MCPH1: variants seen among roughly 807,000 people sequenced by gnomAD.
The protein encoded by MCPH1 is microcephalin.
In MCPH1, 104 loss-of-function variants were observed where a neutral mutation model predicts 84.5. The ratio of observed to expected loss-of-function variants is 1.23; its 90% CI spans 1.05 to 1.45. The LOEUF (loss-of-function observed/expected upper bound fraction) is 1.45. MCPH1 is among the 40% of genes most tolerant of loss of function. MCPH1 has a pLI of 0.00. For synonymous variants in MCPH1, 514 were observed against 366.8 expected (o/e 1.40, Z -4.58); for missense variants, 1,498 against 1,005.7 (o/e 1.49, Z -6.62).
At position 6,495,902 on chromosome 8, in the gene MCPH1, T is replaced by A. The variant is rs184009823; in HGVS notation, c.2137-3950T>A. On this transcript the variant is annotated intron_variant, in intron 11 of 13. Transcript: ENST00000344683. ...GGGACAAGTTTCTAACTATCAGATT[T>A]GATTTTTAATTAATCAGTGATATTT... Among the ~76,000 whole-genome samples the A allele has an allele frequency of 1.8e-3, 278 of 152,348 alleles. 1 individual carries two copies. Among genetic ancestry groups the A allele is most frequent in the Non-Finnish European group, 3.1e-3 (211 of 68,030 alleles).
chr8:6,470,521 G>A (rs180973106), intron 9 of MCPH1, among the ~76,000 whole-genome samples: 2 of 152,310 alleles, frequency 1.3e-5, no homozygotes, highest in East Asian at 3.9e-4. Context: ...CTGACCTCAA[G>A]TGATTCGCCC....
At chr8:6,508,823 A>T (rs1476323126) in intron 12 of MCPH1, 1 of 1,477,660 alleles carries the variant, frequency 6.8e-7, no homozygotes, top group South Asian at 1.1e-5. Flanking sequence ...CTACGTATGA[A>T]ATTGTGGACA....
chr8:6,422,813 C>T (rs1158905572), intron 3 of MCPH1, among the ~76,000 whole-genome samples: 3 of 151,912 alleles, frequency 2.0e-5, no homozygotes, highest in Middle Eastern at 3.2e-3. Context: ...CTCAGCCTCC[C>T]GAGTAGCTGG....
At chr8:6,411,441 G>A (rs531793173) in intron 2 of MCPH1, among the ~76,000 whole-genome samples, 1 of 152,204 alleles carries the variant, frequency 6.6e-6, no homozygotes, top group Non-Finnish European at 1.5e-5. Context: ...GCCGTAAAGT[G>A]CAAGAGTGAT....
Position 6,431,517 on chromosome 8 carries a change from A to G in MCPH1, c.252A>G (p.Ala84=), listed in dbSNP as rs1211904131. 6.2e-7 allele frequency: 1 copy of G among 1,613,660 alleles called. No individual in the cohort carries two copies. The part of the protein sequence containing the change: ...LWVEKCRTAG[A]HIDESLFPAA... ...TATACAGATGCAGGACAGCTGGAGC[A>G]CACATTGATGAATCATTGTTCCCTG... is the stretch of plus-strand genomic sequence containing the variant. Residue 84 remains alanine, a synonymous_variant, in exon 4 of 14, where the codon GCA becomes GCG. Transcript: ENST00000344683.
At chr8:6,476,880 C>T (rs1276127009) in intron 9 of MCPH1, among the ~76,000 whole-genome samples, 1 of 152,166 alleles carries the variant, frequency 6.6e-6, no homozygotes, top group African/African-American at 2.4e-5. Context: ...CATACACACA[C>T]ACTCCTATAG....
At chr8:6,505,264 A>ATG (rs1182068726) in intron 12 of MCPH1, among the ~76,000 whole-genome samples, 4,495 of 112,774 alleles carry the variant, frequency 0.04, 881 homozygotes, top group African/African-American at 0.11. Context: ...TATATGTTTT[A>ATG]TATATATGTA....
At chr8:6,610,651 G>A (rs1209823549) in intron 12 of MCPH1, among the ~76,000 whole-genome samples, 1 of 151,956 alleles carries the variant, frequency 6.6e-6, no homozygotes, top group African/African-American at 2.4e-5. Flanking sequence ...TAATCATTCT[G>A]CTTAGAAAGT....
intron 8 of MCPH1, among the ~76,000 whole-genome samples, chr8:6,453,814 C>T (rs1805368890): frequency 6.6e-6 from 1 of 151,986 alleles, no homozygotes; most frequent in African/African-American, 2.4e-5. Flanking sequence ...TAAAAGATAC[C>T]TGAGGAGGTA....
chr8:6,547,728 C>T (rs1004543981), intron 12 of MCPH1, among the ~76,000 whole-genome samples: 15 of 152,096 alleles, frequency 9.9e-5, no homozygotes, highest in Admixed American at 7.9e-4. Flanking sequence ...ACACAAGTCA[C>T]TAGAGATTCC....
At chr8:6,564,068 G>T (rs1016749336) in intron 12 of MCPH1, among the ~76,000 whole-genome samples, 2 of 140,482 alleles carry the variant, frequency 1.4e-5, no homozygotes, top group African/African-American at 5.3e-5. Context: ...TGCAACCTCC[G>T]CCTTCCGGGT....
At chr8:6,592,685 C>T (rs1828593407) in intron 12 of MCPH1, among the ~76,000 whole-genome samples, 4 of 128,038 alleles carry the variant, frequency 3.1e-5, no homozygotes, top group East Asian at 2.5e-4. Flanking sequence ...GAAGGGGTCT[C>T]ACTCTGTCAC....
At chr8:6,535,734 A>G (rs1382853153) in intron 12 of MCPH1, among the ~76,000 whole-genome samples, 3 of 152,188 alleles carry the variant, frequency 2.0e-5, no homozygotes, top group African/African-American at 2.4e-5. Context: ...GTGCAGTAGT[A>G]GATATTTTGT....
At chr8:6,500,804 C>A (rs1397703331) in intron 12 of MCPH1, 1 of 152,194 alleles carries the variant, frequency 6.6e-6, no homozygotes, top group Non-Finnish European at 1.5e-5. Context: ...AAATTCCCCC[C>A]ATTCTCGCTC....
intron 12 of MCPH1, chr8:6,508,518 A>C: frequency 4.2e-6 from 1 of 239,448 alleles, no homozygotes; most frequent in Non-Finnish European, 7.9e-6. Context: ...TCCTTCTTTG[A>C]ACATTAAATT....
At chr8:6,595,873 A>T (rs1374642489) in intron 12 of MCPH1, among the ~76,000 whole-genome samples, 1 of 152,244 alleles carries the variant, frequency 6.6e-6, no homozygotes, top group Non-Finnish European at 1.5e-5. Context: ...ATGACGAAGC[A>T]TCAGAAAAGT....
intron 3 of MCPH1, among the ~76,000 whole-genome samples, chr8:6,420,488 A>C (rs375698186): frequency 3.3e-5 from 5 of 152,066 alleles, no homozygotes; most frequent in African/African-American, 1.2e-4. Flanking sequence ...TGTAGGTCAT[A>C]TGTGTCTTTT....
intron 3 of MCPH1, among the ~76,000 whole-genome samples, chr8:6,423,353 G>C (rs981088799): frequency 6.6e-6 from 1 of 150,958 alleles, no homozygotes; most frequent in Non-Finnish European, 1.5e-5. Flanking sequence ...TTTTAGTAGA[G>C]ACGGGGTTTC....
rs73661443 is a variant in MCPH1 at position 6,623,786 on chromosome 8, A to C, written c.2452+2095A>C. The stretch of plus-strand genomic sequence containing the variant: ...CTCTTTTCTAAATGCCAAGAATATA[A>C]CCTTCAAAACATCCTATGTTCTGAA... On this transcript the variant is annotated intron_variant, in intron 13 of 13. Transcript: ENST00000344683. 1.0e-2 allele frequency among the ~76,000 whole-genome samples: 1,511 copies of C among 151,652 alleles called. 36 individuals are homozygous for C. The highest frequency in any genetic ancestry group is 0.035 in the African/African-American group (1,430 of 41,328).
Sources: gnomAD v4.1 joint callset for allele counts (sites outside exome capture counted in the v4.1 genomes callset) on GRCh38, gnomAD v4.1.1 for gene constraint, MANE v1.5 for transcripts, NCBI Gene and HGNC (gene_info 2026-07-23, HGNC 2026-07-21) for gene names.